CDH1: variants seen among roughly 807,000 people sequenced by gnomAD.
CDH1 encodes cadherin 1.
CDH1 carries 35 observed loss-of-function variants against 84.5 expected under a neutral mutation model. The observed-to-expected ratio is 0.41, with a 90% CI of 0.32 to 0.55. CDH1 has a LOEUF of 0.55. Among genes scored for constraint, CDH1 ranks in the 20% least tolerant of loss-of-function variants. The pLI is 0.19. For synonymous variants in CDH1, 417 were observed against 439.0 expected, an observed-to-expected ratio of 0.95 and a Z score of 0.63; for missense variants, 994 against 1,126.6, an observed-to-expected ratio of 0.88 and a Z score of 1.68.
intron 2 of CDH1, among the ~76,000 whole-genome samples, chr16:68,757,338 C>T (rs111321418): frequency 1.3e-5 from 2 of 152,172 alleles, no homozygotes; most frequent in South Asian, 2.1e-4. Context: ...ACCTTGGCCT[C>T]CCAAAGTGCT....
At position 68,789,057 on chromosome 16, in the gene CDH1, T is replaced by C. The variant is rs373374047; in HGVS notation, c.164-12613T>C. Among the ~76,000 whole-genome samples, 9 of 152,074 alleles carry C rather than the reference T, an allele frequency of 5.9e-5. No individual in the cohort carries two copies. In the East Asian group the frequency reaches 1.2e-3, roughly 20 times the overall value. Reference sequence around the variant, plus strand: ...GTTGGACAGGAAGATCCGTTCTCACTGTGTCACCCAAGCTGGAGTGCAGTG... The same window carrying C: ...GTTGGACAGGAAGATCCGTTCTCACCGTGTCACCCAAGCTGGAGTGCAGTG... On this transcript the variant is annotated intron_variant, in intron 2 of 15. Transcript: ENST00000261769.
chr16:68,752,144 GT>G (rs1170334700), intron 2 of CDH1, among the ~76,000 whole-genome samples: 1 of 151,752 alleles, frequency 6.6e-6, no homozygotes, highest in Non-Finnish European at 1.5e-5. Flanking sequence ...TAGAGACTGG[GT>G]TTCACCATGT....
At chr16:68,768,824 G>A (rs551308015) in intron 2 of CDH1, among the ~76,000 whole-genome samples, 2 of 152,296 alleles carry the variant, frequency 1.3e-5, no homozygotes, top group East Asian at 3.9e-4. Flanking sequence ...ATAAATGCAA[G>A]TATAAGTAAT....
chr16:68,800,763 C>T (rs1054645398), intron 2 of CDH1, among the ~76,000 whole-genome samples: 1 of 152,204 alleles, frequency 6.6e-6, no homozygotes, highest in African/African-American at 2.4e-5. Context: ...CTCAGAAAGG[C>T]CTGCCCTCAC....
Position 68,829,714 on chromosome 16 carries a change from G to A in CDH1, c.2356G>A (p.Asp786Asn), listed in dbSNP as rs876659218. The A allele has an allele frequency of 7.4e-6, 12 of 1,614,066 alleles. No homozygotes were observed. The highest frequency in any genetic ancestry group is 3.3e-5 in the South Asian group (3 of 91,078). The change falls in exon 15 of 16, where the codon GAC becomes AAC. Residue 786 changes from aspartate (D) to asparagine (N), a missense_variant. Physicochemically the swap from Asp to Asn is conservative, Grantham distance 23. Coordinates refer to ENST00000261769, the MANE Select transcript of CDH1 (RefSeq NM_004360.5). ...LDARPEVTRN[D>N]VAPTLMSVPR... ...CGCTCGGCCTGAAGTGACTCGTAAC[G>A]ACGTTGCACCAACCCTCATGAGTGT... is the stretch of plus-strand genomic sequence containing the variant.
intron 2 of CDH1, among the ~76,000 whole-genome samples, chr16:68,775,125 C>CA (rs58497601): frequency 0.089 from 9,623 of 107,942 alleles, 780 homozygotes; most frequent in African/African-American, 0.24. Flanking sequence ...GGCCCTGTCT[C>CA]AAAAAAAAAA....
At chr16:68,756,451 G>A (rs1002827371) in intron 2 of CDH1, among the ~76,000 whole-genome samples, 2 of 152,028 alleles carry the variant, frequency 1.3e-5, no homozygotes, top group African/African-American at 2.4e-5. Flanking sequence ...TTGAATCAGC[G>A]GTGACATCAC....
intron 2 of CDH1, among the ~76,000 whole-genome samples, chr16:68,767,561 A>G (rs1432081291): frequency 6.6e-6 from 1 of 152,228 alleles, no homozygotes; most frequent in Non-Finnish European, 1.5e-5. Context: ...TCTCTTTCTC[A>G]TAGTAACAAG....
intron 3 of CDH1, among the ~76,000 whole-genome samples, chr16:68,804,102 C>CTTTTTTTTTTTTTTTTTTTTTTTTTTTTT (rs10563852): frequency 1.3e-5 from 1 of 75,070 alleles, no homozygotes; most frequent in African/African-American, 4.9e-5. Context: ...ATCTGTCTGC[C>CTTTTTTTTTTTTTTTTTTTTTTTTTTTTT]TTTTTTTTTT....
intron 3 of CDH1, among the ~76,000 whole-genome samples, chr16:68,806,352 G>T (rs867706471): frequency 6.6e-6 from 1 of 151,762 alleles, no homozygotes; most frequent in Non-Finnish European, 1.5e-5. Context: ...GTTTTGGCAC[G>T]TTGGCCAAGC....
At chr16:68,807,029 G>A (rs1337393982) in intron 3 of CDH1, among the ~76,000 whole-genome samples, 4 of 152,154 alleles carry the variant, frequency 2.6e-5, no homozygotes, top group Non-Finnish European at 5.9e-5. Flanking sequence ...TTATGTGGAG[G>A]GTGAGAGATG....
In CDH1 at chr16:68,822,065, C is replaced by T. The variant is rs876660329; in HGVS notation, c.1776C>T (p.Ala592=). ...TCCTGTCTGATGTGAATGACAACGC[C>T]CCCATACCAGAACCTCGAACTATAT... ...LLILSDVNDN[A]PIPEPRTIFF... Residue 592 remains alanine, a synonymous_variant, in exon 12 of 16, where the codon GCC becomes GCT. Coordinates refer to ENST00000261769, the MANE Select transcript of CDH1 (RefSeq NM_004360.5). 6.2e-7 allele frequency: 1 copy of T among 1,614,146 alleles called. No individual in the cohort carries two copies. Among genetic ancestry groups the T allele is most frequent in the Non-Finnish European group, 8.5e-7 (1 of 1,180,032 alleles).
At chr16:68,827,328 A>G (rs188403602) in intron 13 of CDH1, among the ~76,000 whole-genome samples, 16 of 151,820 alleles carry the variant, frequency 1.1e-4, no homozygotes, top group Admixed American at 3.3e-4. Flanking sequence ...TACAGTATAT[A>G]GGTACTTGGG....
chr16:68,799,665 G>T (rs1372438042), intron 2 of CDH1, among the ~76,000 whole-genome samples: 4 of 152,092 alleles, frequency 2.6e-5, no homozygotes. Context: ...GCTTTGAATA[G>T]ATAGATTATA....
At position 68,738,250 on chromosome 16, in the gene CDH1, G is replaced by A. The variant is rs1183449009; in HGVS notation, c.49-47G>A. 4 of 1,292,810 alleles carry A rather than the reference G, an allele frequency of 3.1e-6. No individual in the cohort carries two copies. The East Asian group carries it at 1.0e-4, about 33-fold the overall frequency. The allele number at this position is 1,292,810 out of a possible 1,614,324, so 80.1% of individuals were successfully genotyped here. A position where few individuals can be genotyped will look rare whatever the true frequency, so the allele number is the denominator to read the frequency against. On this transcript the variant is annotated intron_variant, in intron 1 of 15. Transcript: ENST00000261769. The stretch of plus-strand genomic sequence containing the variant: ...CGCTGTTGGTTTCGGTGAGCAGGAG[G>A]GAACCCTCCGAGTCACCCGGTTCCA...
rs1316894863 is a variant in CDH1, at chr16:68,818,576, C to A, written c.1566-704C>A. Among the ~76,000 whole-genome samples, 4 of 143,876 alleles carry A rather than the reference C, an allele frequency of 2.8e-5. No homozygotes were observed. The East Asian group carries it at 8.1e-4, about 29-fold the overall frequency. 94.4% of individuals were successfully genotyped at this position (143,876 alleles called of 152,430 possible). Reference sequence around the variant, plus strand: ...TTAAAGACGGAGTTTCGGCCGGGCGCGGTGGCTCACGCCTGTAATCCCAGC... The same window carrying A: ...TTAAAGACGGAGTTTCGGCCGGGCGAGGTGGCTCACGCCTGTAATCCCAGC... On this transcript the variant is annotated intron_variant, in intron 10 of 15. Transcript: ENST00000261769.
rs786204155 is a variant in CDH1 at position 68,822,027 on chromosome 16, A to G, written c.1738A>G (p.Thr580Ala). The G allele has an allele frequency of 1.2e-6, 2 of 1,614,098 alleles. No homozygotes were observed. The highest frequency in any genetic ancestry group is 1.7e-6 in the Non-Finnish European group (2 of 1,179,984). The part of the protein sequence containing the change: ...NGSPVATGTG[T>A]LLLILSDVND... The stretch of plus-strand genomic sequence containing the variant: ...TTCTCCAGTTGCTACTGGAACAGGG[A>G]CACTTCTGCTGATCCTGTCTGATGT... Residue 580 changes from threonine to alanine, a missense_variant, in exon 12 of 16, where the codon ACA becomes GCA. By Grantham distance (58) the Thr-to-Ala change is moderately conservative. Around this residue, in one of 3 missense-constraint regions of CDH1, gnomAD observed 769 missense variants for 881.8 expected, o/e 0.87. Coordinates refer to ENST00000261769, the MANE Select transcript of CDH1 (RefSeq NM_004360.5).
At position 68,756,773 on chromosome 16, in the gene CDH1, G is replaced by T. The variant is rs527683370; in HGVS notation, c.163+18362G>T. Among the ~76,000 whole-genome samples, 13 of 152,330 alleles carry T rather than the reference G, an allele frequency of 8.5e-5. No individual in the cohort carries two copies. In the East Asian group the frequency reaches 1.7e-3, roughly 20 times the overall value. ...TAATCCAGCACTTCGGGAGGCCAAA[G>T]TGGGAGGATTGCTTGAGCCCAGAAG... On this transcript the variant is annotated intron_variant, in intron 2 of 15. Transcript: ENST00000261769.
intron 2 of CDH1, among the ~76,000 whole-genome samples, chr16:68,797,957 T>A (rs1330309635): frequency 6.6e-6 from 1 of 151,902 alleles, no homozygotes. Context: ...TGTGCACCTG[T>A]AATCCCCGCT....
Sources: allele counts gnomAD v4.1 joint callset (sites outside exome capture counted in the v4.1 genomes callset), GRCh38; gene constraint gnomAD v4.1.1; regional missense constraint gnomAD v4.1.1; transcripts MANE v1.5; gene names NCBI Gene and HGNC (gene_info 2026-07-23, HGNC 2026-07-21).